The following PPTC7 variants were observed in gnomAD, a reference collection of about 807,000 sequenced individuals.
PPTC7 encodes the protein protein phosphatase targeting COQ7.
PPTC7 carries 6 observed loss-of-function variants against 30.8 expected under a neutral mutation model. That is an observed-to-expected ratio of 0.19 (90% CI 0.11 to 0.38). The LOEUF (loss-of-function observed/expected upper bound fraction) is 0.38. Ranked by LOEUF, PPTC7 falls within the 10% of genes least tolerant of loss-of-function variation. PPTC7 has a pLI of 1.00. For synonymous variants in PPTC7, 163 were observed against 168.1 expected (o/e 0.97, Z 0.23); for missense variants, 218 against 404.8 (o/e 0.54, Z 3.96).
At chr12:110,556,059 C>T (rs1439359962) in intron 1 of PPTC7, among the ~76,000 whole-genome samples, 1 of 152,176 alleles carries the variant, frequency 6.6e-6, no homozygotes, top group African/African-American at 2.4e-5. Flanking sequence ...CACAAGAAAA[C>T]CATTAAAATC....
intron 1 of PPTC7, among the ~76,000 whole-genome samples, chr12:110,568,157 C>T (rs1207430063): frequency 2.6e-5 from 4 of 152,088 alleles, no homozygotes; most frequent in Non-Finnish European, 5.9e-5. Flanking sequence ...CTTTGCTGAG[C>T]CCTCAATCTG....
chr12:110,577,918 C>A (rs972815958), intron 1 of PPTC7, among the ~76,000 whole-genome samples: 3 of 152,156 alleles, frequency 2.0e-5, no homozygotes, highest in Non-Finnish European at 4.4e-5. Context: ...AACACACACA[C>A]ACACACACCC....
In PPTC7 at chr12:110,535,861, T is replaced by C. The variant is rs1375882250; in HGVS notation, c.*1176A>G. 6.6e-6 allele frequency: 1 copy of C among 152,610 alleles called. No homozygotes were observed. The highest frequency in any genetic ancestry group is 6.5e-5 in the Admixed American group (1 of 15,268). 9.5% of individuals were successfully genotyped at this position (152,610 alleles called of 1,614,324 possible). On this transcript the variant is annotated 3_prime_UTR_variant, in exon 6 of 6. Coordinates refer to ENST00000354300, the MANE Select transcript of PPTC7 (RefSeq NM_139283.2). Reference sequence around the variant, plus strand: ...TGTAAGGAAACTATACACTGCAAAATGGCTATTTGGAAACTGTAAACATTA... The same window carrying C: ...TGTAAGGAAACTATACACTGCAAAACGGCTATTTGGAAACTGTAAACATTA...
chr12:110,563,651 G>A (rs112872887), intron 1 of PPTC7, among the ~76,000 whole-genome samples: 2,306 of 151,834 alleles, frequency 0.015, 53 homozygotes, highest in African/African-American at 0.052. Flanking sequence ...GAAACTATAG[G>A]CAAAACTCAA....
intron 1 of PPTC7, among the ~76,000 whole-genome samples, chr12:110,568,704 C>CCA (rs1397416131): frequency 6.6e-6 from 1 of 152,188 alleles, no homozygotes; most frequent in African/African-American, 2.4e-5. Flanking sequence ...ATTCAGCTGA[C>CCA]CACACTGAAA....
At chr12:110,580,084 T>C (rs999133707) in intron 1 of PPTC7, among the ~76,000 whole-genome samples, 1 of 151,492 alleles carries the variant, frequency 6.6e-6, no homozygotes, top group Non-Finnish European at 1.5e-5. Flanking sequence ...TCAGAAGCTG[T>C]AGTCACTAAG....
intron 1 of PPTC7, among the ~76,000 whole-genome samples, chr12:110,575,449 T>C (rs763948016): frequency 6.6e-6 from 1 of 152,014 alleles, no homozygotes; most frequent in Non-Finnish European, 1.5e-5. Flanking sequence ...GACATGGTTG[T>C]AGGTCACATT....
chr12:110,538,287 T>G lies in PPTC7; in HGVS notation c.727-14A>C, dbSNP rs753399569. On this transcript the variant is annotated splice_polypyrimidine_tract_variant and intron_variant, in intron 4 of 5. Transcript: ENST00000354300. ...ATAATTTGAATTCTAAGATAAAGCA[T>G]GAGGAAGTTATTTTACCATAATGCT... 1 of 1,612,374 alleles carries G rather than the reference T, an allele frequency of 6.2e-7. No homozygotes were observed.
At chr12:110,547,038 G>A (rs376840641) in intron 2 of PPTC7, among the ~76,000 whole-genome samples, 3 of 152,112 alleles carry the variant, frequency 2.0e-5, no homozygotes, top group East Asian at 1.9e-4. Flanking sequence ...TTCCTGGAGC[G>A]CAAGATAGCC....
At chr12:110,547,783 T>C (rs2064319985) in intron 2 of PPTC7, among the ~76,000 whole-genome samples, 1 of 152,186 alleles carries the variant, frequency 6.6e-6, no homozygotes. Flanking sequence ...AAGTCACTTA[T>C]TCTCTCCAGA....
rs1230772044 is a variant in PPTC7 at position 110,535,749 on chromosome 12, A to G, written c.*1288T>C. The G allele has an allele frequency of 5.2e-5, 8 of 152,668 alleles. No homozygotes were observed. The highest frequency in any genetic ancestry group is 9.6e-5 in the African/African-American group (4 of 41,460). 9.5% of individuals were successfully genotyped at this position (152,668 alleles called of 1,614,324 possible). A position where few individuals can be genotyped will look rare whatever the true frequency, so the allele number is the denominator to read the frequency against. ...AGGAAAAAAACTGACCCAAAAATAT[A>G]TATCTTTACAGCAGTCAACTTGTAC... is the stretch of plus-strand genomic sequence containing the variant. On this transcript the variant is annotated 3_prime_UTR_variant, in exon 6 of 6. Coordinates refer to ENST00000354300, the MANE Select transcript of PPTC7 (RefSeq NM_139283.2).
chr12:110,544,694 C>T (rs2064290644), intron 3 of PPTC7, among the ~76,000 whole-genome samples: 1 of 152,056 alleles, frequency 6.6e-6, no homozygotes, highest in Non-Finnish European at 1.5e-5. Context: ...ATTAGCCAGG[C>T]ATGGTGGCGG....
intron 1 of PPTC7, among the ~76,000 whole-genome samples, chr12:110,569,400 G>A (rs1250030755): frequency 1.3e-5 from 2 of 152,012 alleles, no homozygotes; most frequent in Non-Finnish European, 2.9e-5. Context: ...GATGGAAAGA[G>A]CATTAAAGAA....
At chr12:110,537,929 C>T (rs375952162) in intron 5 of PPTC7, among the ~76,000 whole-genome samples, 52 of 152,268 alleles carry the variant, frequency 3.4e-4, no homozygotes, top group African/African-American at 9.9e-4. Context: ...CTGCCTCTGC[C>T]GCCAATGAGG....
rs558005488 is a variant in PPTC7, at chr12:110,568,355, T to C, written c.223+14454A>G. On this transcript the variant is annotated intron_variant, in intron 1 of 5. Transcript: ENST00000354300. ...GCAAGCTCCGCCTCCCGGGTTCACG[T>C]CATTCTCCTGCCTCAGCCTCCTGAG... 6.8e-3 allele frequency among the ~76,000 whole-genome samples: 1,037 copies of C among 151,422 alleles called. 1 individual carries two copies. Among genetic ancestry groups the C allele is most frequent in the Non-Finnish European group, 9.4e-3 (636 of 67,854 alleles).
At chr12:110,577,646 C>G (rs959630095) in intron 1 of PPTC7, among the ~76,000 whole-genome samples, 4 of 152,168 alleles carry the variant, frequency 2.6e-5, no homozygotes, top group African/African-American at 9.7e-5. Context: ...CTTCAAAATC[C>G]TGACCACGAT....
At chr12:110,582,429 C>A (rs1360256850) in intron 1 of PPTC7, among the ~76,000 whole-genome samples, 1 of 152,104 alleles carries the variant, frequency 6.6e-6, no homozygotes, top group African/African-American at 2.4e-5. Context: ...CCGGGGCATG[C>A]GGAGAGGGAA....
intron 2 of PPTC7, among the ~76,000 whole-genome samples, chr12:110,549,523 T>C (rs2064335450): frequency 6.6e-6 from 1 of 151,114 alleles, no homozygotes; most frequent in African/African-American, 2.4e-5. Flanking sequence ...GTGTAGATTT[T>C]GTGAAAAAAA....
At chr12:110,546,131 C>A in intron 2 of PPTC7, 53 bp from the exon 3 acceptor site, 1 of 1,484,176 alleles carries the variant, frequency 6.7e-7, no homozygotes, top group East Asian at 2.3e-5. Flanking sequence ...TGCCTTTGCA[C>A]ACACATTTTA....
Sources: gnomAD v4.1 joint callset for allele counts (sites outside exome capture counted in the v4.1 genomes callset) on GRCh38, gnomAD v4.1.1 for gene constraint, MANE v1.5 for transcripts, NCBI Gene and HGNC (gene_info 2026-07-23, HGNC 2026-07-21) for gene names.